Variants in CSMD1 observed in about 807,000 individuals in gnomAD.
The protein encoded by CSMD1 is CUB and sushi domain-containing protein 1.
A neutral mutation model predicts 417.5 loss-of-function variants in CSMD1; 213 were observed. The observed-to-expected ratio is 0.51, with a 90% confidence interval of 0.46 to 0.57. CSMD1 has a LOEUF of 0.57. Ranked by LOEUF, CSMD1 falls within the 20% of genes least tolerant of loss-of-function variation. CSMD1 has a pLI of 0.00. For missense variants in CSMD1, 6,923 were observed against 4,529.7 expected (o/e 1.53, Z -15.17); for synonymous variants, 2,862 against 1,736.8 (o/e 1.65, Z -16.11).
chr8:4,296,654 G>A (rs1172230280), intron 3 of CSMD1, among the ~76,000 whole-genome samples: 2 of 149,086 alleles, frequency 1.3e-5, no homozygotes, highest in African/African-American at 4.9e-5. Context: ...ACTCGTATGT[G>A]GAGGTCCCTA....
chr8:4,877,737 G>C (rs1039243619), intron 1 of CSMD1, among the ~76,000 whole-genome samples: 2 of 152,064 alleles, frequency 1.3e-5, no homozygotes, highest in Non-Finnish European at 2.9e-5. Flanking sequence ...CAGACTATGT[G>C]TTTGCACTTT....
intron 8 of CSMD1, among the ~76,000 whole-genome samples, chr8:3,599,965 C>T (rs887054438): frequency 1.8e-4 from 27 of 152,162 alleles, no homozygotes; most frequent in Non-Finnish European, 2.4e-4. Flanking sequence ...CTCTACAATT[C>T]ATTGATGGCA....
chr8:3,784,495 A>G (rs979133591), intron 5 of CSMD1, among the ~76,000 whole-genome samples: 2 of 152,178 alleles, frequency 1.3e-5, no homozygotes, highest in Non-Finnish European at 2.9e-5. Context: ...ATGGGCACTT[A>G]TTTTTGGACT....
chr8:4,175,783 C>G (rs1251961920), intron 3 of CSMD1, among the ~76,000 whole-genome samples: 3 of 152,110 alleles, frequency 2.0e-5, no homozygotes, highest in African/African-American at 4.8e-5. Context: ...GTCATGAATA[C>G]TATGATGATC....
chr8:3,721,183 C>T (rs1047278255), intron 6 of CSMD1, among the ~76,000 whole-genome samples: 1 of 151,950 alleles, frequency 6.6e-6, no homozygotes, highest in Non-Finnish European at 1.5e-5. Flanking sequence ...TTTTTTTCTC[C>T]AGCCTCTGCG....
rs535164024 is a variant in CSMD1, at chr8:4,324,184, A to G, written c.415+95769T>C. Among the ~76,000 whole-genome samples the G allele has an allele frequency of 2.7e-3, 416 of 152,376 alleles. 3 individuals carry two copies. Among genetic ancestry groups the G allele is most frequent in the African/African-American group, 9.8e-3 (407 of 41,596 alleles). ...ACAGTGGAAATAGTATAAAAAATATAGAACAAAGTAAACTGTGTCATCGGA... is the reference window on the plus strand; with the variant it reads ...ACAGTGGAAATAGTATAAAAAATATGGAACAAAGTAAACTGTGTCATCGGA... On this transcript the variant is annotated intron_variant, in intron 3 of 69. Transcript: ENST00000635120.
At chr8:4,227,608 C>T (rs1801437482) in intron 3 of CSMD1, among the ~76,000 whole-genome samples, 1 of 152,056 alleles carries the variant, frequency 6.6e-6, no homozygotes, top group Admixed American at 6.6e-5. Flanking sequence ...GGATTCCCTG[C>T]ACATTCAGTC....
At chr8:3,444,052 T>A (rs1815155526) in intron 12 of CSMD1, among the ~76,000 whole-genome samples, 1 of 152,030 alleles carries the variant, frequency 6.6e-6, no homozygotes, top group Non-Finnish European at 1.5e-5. Flanking sequence ...CAGCATGAAA[T>A]CTTGTCTCTT....
chr8:3,751,637 A>G (rs916380660), intron 6 of CSMD1, among the ~76,000 whole-genome samples: 1 of 151,064 alleles, frequency 6.6e-6, no homozygotes, highest in East Asian at 1.9e-4. Flanking sequence ...TTAATTACAT[A>G]TTTTTTTTAA....
At chr8:4,841,263 C>A (rs1481812246) in intron 1 of CSMD1, among the ~76,000 whole-genome samples, 1 of 152,222 alleles carries the variant, frequency 6.6e-6, no homozygotes, top group African/African-American at 2.4e-5. Flanking sequence ...TTCACCAATG[C>A]AGCCTTTGGT....
chr8:3,988,765 A>C (rs1814521729), intron 5 of CSMD1, among the ~76,000 whole-genome samples: 2 of 152,250 alleles, frequency 1.3e-5, no homozygotes, highest in South Asian at 4.1e-4. Flanking sequence ...AACAGCCCTG[A>C]ATGTGAAACA....
At chr8:4,863,796 A>C (rs11987377) in intron 1 of CSMD1, among the ~76,000 whole-genome samples, 30,136 of 151,978 alleles carry the variant, frequency 0.2, 3,216 homozygotes, top group East Asian at 0.29. Context: ...CTTGGAGTAC[A>C]TTTGAATAGA....
At chr8:4,882,972 A>C (rs1215861638) in intron 1 of CSMD1, among the ~76,000 whole-genome samples, 1 of 151,968 alleles carries the variant, frequency 6.6e-6, no homozygotes, top group African/African-American at 2.4e-5. Flanking sequence ...CTAAACCTAA[A>C]AACTGCCAAG....
intron 8 of CSMD1, among the ~76,000 whole-genome samples, chr8:3,613,053 T>C (rs537665391): frequency 5.6e-4 from 85 of 152,138 alleles, no homozygotes; most frequent in African/African-American, 1.9e-3. Flanking sequence ...ACAAGTAAAA[T>C]TTTTTTAAAA....
At position 4,764,206 on chromosome 8, in the gene CSMD1, G is replaced by A. The variant is rs188952960; in HGVS notation, c.86-126648C>T. Among the ~76,000 whole-genome samples the A allele has an allele frequency of 4.1e-3, 620 of 152,298 alleles. 7 individuals are homozygous for A. The highest frequency in any genetic ancestry group is 0.017 in the Middle Eastern group (5 of 294). ...CATGAGAGTGACCATGTGTTTTTCA[G>A]AGGTAGATAATAAAAGTTAGACAGT... On this transcript the variant is annotated intron_variant, in intron 1 of 69. Transcript: ENST00000635120.
At chr8:3,569,287 T>A (rs6558796) in intron 10 of CSMD1, among the ~76,000 whole-genome samples, 122,439 of 152,104 alleles carry the variant, frequency 0.8, 50,144 homozygotes, top group Non-Finnish European at 0.89. Context: ...ACATGTGATG[T>A]GCATTATTAG....
chr8:4,526,784 AATT>A, intron 2 of CSMD1, among the ~76,000 whole-genome samples: 1 of 152,330 alleles, frequency 6.6e-6, no homozygotes, highest in South Asian at 2.1e-4. Flanking sequence ...CCACAACCTG[AATT>A]TTCTTTCAAG....
chr8:4,071,416 TAGATA>T (rs1799551687), intron 3 of CSMD1, among the ~76,000 whole-genome samples: 6 of 152,204 alleles, frequency 3.9e-5, no homozygotes, highest in African/African-American at 1.2e-4. Context: ...AATTGTAGTT[TAGATA>T]TTTAATTATT....
intron 7 of CSMD1, among the ~76,000 whole-genome samples, chr8:3,651,156 T>C (rs1797833974): frequency 6.6e-6 from 1 of 152,186 alleles, no homozygotes; most frequent in African/African-American, 2.4e-5. Flanking sequence ...TTGCCGGTCT[T>C]TGTACTTTCC....
Sources: gnomAD v4.1 joint callset for allele counts (sites outside exome capture counted in the v4.1 genomes callset) on GRCh38, gnomAD v4.1.1 for gene constraint, MANE v1.5 for transcripts, NCBI Gene and HGNC (gene_info 2026-07-23, HGNC 2026-07-21) for gene names.